Variants in ATP1A4 observed in about 807,000 individuals in gnomAD.
ATP1A4 encodes ATPase Na+/K+ transporting subunit alpha 4.
Under a neutral mutation model 114.3 loss-of-function variants are expected in ATP1A4, and 90 were observed. The observed-to-expected ratio is 0.79, with a 90% confidence interval of 0.66 to 0.94. The LOEUF (loss-of-function observed/expected upper bound fraction) is 0.94, where lower values mean the gene tolerates loss of function less well. Among genes scored for constraint, ATP1A4 ranks in the 40% least tolerant of loss-of-function variants. The pLI is 0.00. For missense variants in ATP1A4, 1,222 were observed against 1,313.6 expected (o/e 0.93, Z 1.08); for synonymous variants, 511 against 494.1 (o/e 1.03, Z -0.45).
At chr1:160,158,869 A>T (rs746162565) in intron 4 of ATP1A4, 133 bp from the exon 5 acceptor site, 15 of 988,066 alleles carry the variant, frequency 1.5e-5, no homozygotes, top group Non-Finnish European at 2.2e-5. Flanking sequence ...AGACACCTTC[A>T]AGAATGATGT....
chr1:160,166,935 C>T, intron 8 of ATP1A4, 33 bp from the exon 9 acceptor site: 1 of 1,602,610 alleles, frequency 6.2e-7, no homozygotes, highest in African/African-American at 1.3e-5. Flanking sequence ...ATTCTCATTC[C>T]CTGCTCACAA....
intron 10 of ATP1A4, among the ~76,000 whole-genome samples, chr1:160,168,065 T>G (rs1653105485): frequency 6.6e-6 from 1 of 152,130 alleles, no homozygotes; most frequent in South Asian, 2.1e-4. Context: ...AACATTTTGG[T>G]CCACTCTCCG....
intron 13 of ATP1A4, 130 bp from the exon 14 acceptor site, chr1:160,173,981 A>G: frequency 8.2e-7 from 1 of 1,219,966 alleles, no homozygotes; most frequent in Non-Finnish European, 1.1e-6. Context: ...TGGGGACAAT[A>G]TAGGGCTAGG....
rs200503771 is a variant in ATP1A4, at chr1:160,164,188, G to A, written c.811G>A (p.Asp271Asn). 4.3e-4 allele frequency: 698 copies of A among 1,614,198 alleles called. 10 individuals carry two copies. In the South Asian group the frequency reaches 7.4e-3, roughly 17 times the overall value. ...CCGGGGTATTGTGATTGCTACGGGA[G>A]ACTCCACAGTGATGGGCAGAATTGC... ...TARGIVIATGDSTVMGRIASL... is the reference protein window; with the variant it reads ...TARGIVIATGNSTVMGRIASL... Residue 271 changes from aspartate to asparagine, a missense_variant, in exon 7 of 22, where the codon GAC becomes AAC. Transcript: ENST00000368081.
At chr1:160,167,528 G>A (rs1653084947) in intron 10 of ATP1A4, 116 bp downstream of exon 10, 1 of 1,377,422 alleles carries the variant, frequency 7.3e-7, no homozygotes, top group Non-Finnish European at 1.0e-6. Context: ...GAGCTCAGCA[G>A]AACCTGCATC....
intron 10 of ATP1A4, among the ~76,000 whole-genome samples, chr1:160,169,275 T>C (rs1048128636): frequency 6.6e-6 from 1 of 152,236 alleles, no homozygotes; most frequent in Non-Finnish European, 1.5e-5. Flanking sequence ...GAGATAAAAA[T>C]GAAACGAAGA....
At chr1:160,165,742 C>T (rs751877079) in intron 7 of ATP1A4, among the ~76,000 whole-genome samples, 22 of 151,700 alleles carry the variant, frequency 1.5e-4, no homozygotes, top group Non-Finnish European at 2.1e-4. Flanking sequence ...GACTCCGTCT[C>T]GAGAAAAAAA....
chr1:160,159,340 C>A (rs1652786261), intron 5 of ATP1A4, 69 bp from the exon 6 acceptor site: 3 of 1,429,192 alleles, frequency 2.1e-6, no homozygotes, highest in Non-Finnish European at 2.9e-6. Flanking sequence ...TGAAGACATA[C>A]TATTTTTGTA....
chr1:160,186,217 G>T, intron 20 of ATP1A4, 59 bp from the exon 21 acceptor site: 1 of 1,186,356 alleles, frequency 8.4e-7, no homozygotes, highest in Non-Finnish European at 1.3e-6. Context: ...ATTGCCCTCT[G>T]CACCTGTCCT....
intron 20 of ATP1A4, among the ~76,000 whole-genome samples, chr1:160,185,008 A>G (rs901995332): frequency 1.3e-5 from 2 of 152,220 alleles, no homozygotes; most frequent in African/African-American, 4.8e-5. Context: ...TGCAGAGAGC[A>G]CAGGGGTCTC....
chr1:160,176,737 A>C (rs1041591261), intron 17 of ATP1A4, 135 bp downstream of exon 17: 2 of 1,201,934 alleles, frequency 1.7e-6, no homozygotes, highest in Non-Finnish European at 2.3e-6. Context: ...AAACACAAAG[A>C]ACCACTCATC....
intron 6 of ATP1A4, among the ~76,000 whole-genome samples, chr1:160,161,156 T>C (rs951559900): frequency 2.0e-5 from 3 of 152,230 alleles, no homozygotes; most frequent in African/African-American, 7.2e-5. Context: ...GGACTTTCAG[T>C]TGAGGAATTT....
chr1:160,184,321 G>A (rs920586071), intron 20 of ATP1A4, among the ~76,000 whole-genome samples: 5 of 152,050 alleles, frequency 3.3e-5, no homozygotes, highest in Non-Finnish European at 7.4e-5. Context: ...CAAGGTGGGG[G>A]GATCGCTTAA....
chr1:160,152,335 A>G, intron 1 of ATP1A4, 148 bp downstream of exon 1: 2 of 951,802 alleles, frequency 2.1e-6, no homozygotes, highest in Non-Finnish European at 3.0e-6. Context: ...GGGTTAAAAA[A>G]AAAAAAAAAG....
Position 160,166,641 on chromosome 1 carries a change from C to T in ATP1A4, c.1161C>T (p.Gly387=). 1 of 1,614,188 alleles carries T rather than the reference C, an allele frequency of 6.2e-7. No homozygotes were observed. The highest frequency in any genetic ancestry group is 8.5e-7 in the Non-Finnish European group (1 of 1,180,038). ...STSTICSDKT[G]TLTQNRMTVA... ...CCACCATCTGCTCAGACAAGACGGG[C>T]ACCCTCACCCAGAACCGCATGACCG... The change falls in exon 8 of 22, where the codon GGC becomes GGT. Residue 387 remains glycine (G), a synonymous_variant. Coordinates refer to ENST00000368081, the MANE Select transcript of ATP1A4 (RefSeq NM_144699.4).
intron 11 of ATP1A4, 61 bp downstream of exon 11, chr1:160,171,501 G>T (rs558176931): frequency 6.2e-6 from 10 of 1,601,006 alleles, no homozygotes; most frequent in Admixed American, 5.1e-5. Flanking sequence ...TATCCCTGGG[G>T]TGAGAAATCA....
chr1:160,162,492 A>G (rs1330968948), intron 6 of ATP1A4, among the ~76,000 whole-genome samples: 1 of 152,180 alleles, frequency 6.6e-6, no homozygotes, highest in Non-Finnish European at 1.5e-5. Context: ...TCCAGCCAGC[A>G]AAGCAGGGAG....
intron 6 of ATP1A4, 87 bp from the exon 7 acceptor site, chr1:160,164,069 C>G: frequency 1.3e-6 from 2 of 1,509,954 alleles, no homozygotes; most frequent in Non-Finnish European, 9.0e-7. Context: ...TTTAGAAGCT[C>G]TATGTCAGGA....
In ATP1A4 at chr1:160,165,719, C is replaced by T. The variant is rs377264011; in HGVS notation, c.1048-809C>T. The stretch of plus-strand genomic sequence containing the variant: ...TGGAGTTTGCAGTCAGCAGAGATCA[C>T]GCCACAGAATGAGACTCCGTCTCGA... On this transcript the variant is annotated intron_variant, in intron 7 of 21. Coordinates refer to ENST00000368081, the MANE Select transcript of ATP1A4 (RefSeq NM_144699.4). 3.9e-5 allele frequency among the ~76,000 whole-genome samples: 6 copies of T among 152,162 alleles called. No homozygotes were observed. The East Asian group carries it at 7.8e-4, about 20-fold the overall frequency.
Sources: gnomAD v4.1 joint callset for allele counts (sites outside exome capture counted in the v4.1 genomes callset) on GRCh38, gnomAD v4.1.1 for gene constraint, MANE v1.5 for transcripts, NCBI Gene and HGNC (gene_info 2026-07-23, HGNC 2026-07-21) for gene names.